The following CHCHD6 variants were observed in gnomAD, a reference collection of about 807,000 sequenced individuals.
The protein encoded by CHCHD6 is coiled-coil-helix-coiled-coil-helix domain containing 6.
A neutral mutation model predicts 32.3 loss-of-function variants in CHCHD6; 28 were observed. The ratio of observed to expected loss-of-function variants is 0.87; its 90% CI spans 0.64 to 1.19. The LOEUF is 1.19. CHCHD6 is among the 50% of genes most tolerant of loss of function. The pLI is 0.00. For synonymous variants in CHCHD6, 122 were observed against 117.5 expected (o/e 1.04, Z -0.25); for missense variants, 333 against 307.0 (o/e 1.08, Z -0.63).
intron 4 of CHCHD6, among the ~76,000 whole-genome samples, chr3:126,742,976 TA>T (rs1936342949): frequency 6.6e-6 from 1 of 151,854 alleles, no homozygotes; most frequent in Non-Finnish European, 1.5e-5. Context: ...GGAGAAGGAC[TA>T]GGGGGAAGAT....
chr3:126,931,294 G>A (rs536030768), intron 6 of CHCHD6, among the ~76,000 whole-genome samples: 8 of 152,188 alleles, frequency 5.3e-5, no homozygotes, highest in Non-Finnish European at 1.0e-4. Context: ...TCCTTTTGTT[G>A]GTTTAGTTGA....
chr3:126,727,083 T>A lies in CHCHD6; in HGVS notation c.93T>A (p.Ser31=), dbSNP rs538198187. Residue 31 remains serine (S), a synonymous_variant, in exon 2 of 8, where the codon TCT becomes TCA. Coordinates refer to ENST00000290913, the MANE Select transcript of CHCHD6 (RefSeq NM_032343.3). The part of the protein sequence containing the change: ...RVRVLQGVRL[S]ENVVNRMKEP... The stretch of plus-strand genomic sequence containing the variant: ...CCTCTTTTCTGCTTCCTTAGCTGTC[T>A]GAAAACGTGGTGAACCGCATGAAGG... 29 of 1,612,734 alleles carry A rather than the reference T, an allele frequency of 1.8e-5. No homozygotes were observed. In the East Asian group the frequency reaches 6.2e-4, roughly 35 times the overall value.
intron 4 of CHCHD6, among the ~76,000 whole-genome samples, chr3:126,792,352 A>G (rs1938592600): frequency 6.6e-6 from 1 of 151,638 alleles, no homozygotes; most frequent in Non-Finnish European, 1.5e-5. Context: ...GAAAACACCA[A>G]ACTGTTTTCT....
At chr3:126,914,566 C>A in intron 5 of CHCHD6, 114 bp from the exon 6 acceptor site, 1 of 729,022 alleles carries the variant, frequency 1.4e-6, no homozygotes, top group South Asian at 1.6e-5. Flanking sequence ...TACCAGTCGG[C>A]TTTGATGCCC....
At chr3:126,844,211 A>G (rs1003499808) in intron 4 of CHCHD6, among the ~76,000 whole-genome samples, 10 of 152,202 alleles carry the variant, frequency 6.6e-5, no homozygotes, top group African/African-American at 2.2e-4. Context: ...GTAGTGTTGT[A>G]TACATGTCAT....
intron 5 of CHCHD6, among the ~76,000 whole-genome samples, chr3:126,866,590 G>A (rs1056843902): frequency 3.9e-5 from 6 of 152,244 alleles, no homozygotes; most frequent in African/African-American, 1.4e-4. Flanking sequence ...GCTAAATTCA[G>A]AGGATGACTT....
At chr3:126,835,032 G>T (rs2107543902) in intron 4 of CHCHD6, among the ~76,000 whole-genome samples, 1 of 152,292 alleles carries the variant, frequency 6.6e-6, no homozygotes, top group Admixed American at 6.5e-5. Flanking sequence ...TGTTTTTCCA[G>T]TTTCTAATAT....
intron 5 of CHCHD6, among the ~76,000 whole-genome samples, chr3:126,908,550 T>TGGG (rs2078038239): frequency 6.6e-6 from 1 of 152,234 alleles, no homozygotes; most frequent in Admixed American, 6.5e-5. Flanking sequence ...CAACTTTACA[T>TGGG]TGAGGGCCTG....
At chr3:126,811,193 C>A (rs1379813893) in intron 4 of CHCHD6, among the ~76,000 whole-genome samples, 1 of 152,110 alleles carries the variant, frequency 6.6e-6, no homozygotes, top group Non-Finnish European at 1.5e-5. Flanking sequence ...TAAATCATTT[C>A]ATTCCCATCA....
chr3:126,898,695 C>T (rs1391749610), intron 5 of CHCHD6, among the ~76,000 whole-genome samples: 3 of 152,086 alleles, frequency 2.0e-5, no homozygotes, highest in African/African-American at 4.8e-5. Context: ...CCCGTCCCCA[C>T]GCCCAGCTAA....
chr3:126,824,560 C>CCAAAAAAAAA (rs1940300538), intron 4 of CHCHD6, among the ~76,000 whole-genome samples: 1 of 40,000 alleles, frequency 2.5e-5, no homozygotes, highest in Non-Finnish European at 3.9e-5. Context: ...GACTCTGTCT[C>CCAAAAAAAAA]AAAAAAAAAA....
At chr3:126,838,921 C>T (rs1029716331) in intron 4 of CHCHD6, among the ~76,000 whole-genome samples, 1 of 144,972 alleles carries the variant, frequency 6.9e-6, no homozygotes. Flanking sequence ...GACAGTCTTG[C>T]TCTGTTGCTC....
chr3:126,939,362 AC>A (rs1190866076), intron 6 of CHCHD6, among the ~76,000 whole-genome samples: 1 of 152,252 alleles, frequency 6.6e-6, no homozygotes, highest in African/African-American at 2.4e-5. Context: ...CTGTTAAGCC[AC>A]AACTTTCTCA....
intron 6 of CHCHD6, among the ~76,000 whole-genome samples, chr3:126,918,149 ATTAC>A (rs1452595523): frequency 6.6e-6 from 1 of 152,232 alleles, no homozygotes; most frequent in Non-Finnish European, 1.5e-5. Context: ...ACAGTTAGAA[ATTAC>A]TTAAACATCT....
chr3:126,799,021 G>T (rs1938935620), intron 4 of CHCHD6, among the ~76,000 whole-genome samples: 1 of 152,150 alleles, frequency 6.6e-6, no homozygotes, highest in African/African-American at 2.4e-5. Flanking sequence ...TGCTGGTGAG[G>T]TGTTCCCTTG....
At chr3:126,799,742 G>A (rs1377716931) in intron 4 of CHCHD6, among the ~76,000 whole-genome samples, 1 of 152,172 alleles carries the variant, frequency 6.6e-6, no homozygotes. Context: ...GGTTAGGTGA[G>A]AAAGTCTAAC....
intron 4 of CHCHD6, among the ~76,000 whole-genome samples, chr3:126,809,037 T>C (rs1939542083): frequency 6.6e-6 from 1 of 152,058 alleles, no homozygotes; most frequent in African/African-American, 2.4e-5. Flanking sequence ...AGTGGCGTGA[T>C]CTCAGCTCAC....
chr3:126,807,195 TA>T (rs199560782), intron 4 of CHCHD6, among the ~76,000 whole-genome samples: 4,787 of 138,404 alleles, frequency 0.035, 155 homozygotes, highest in East Asian at 0.15. Flanking sequence ...ACTTAAAGTA[TA>T]AAAAAAAAAA....
chr3:126,839,465 G>A (rs1368214680), intron 4 of CHCHD6, among the ~76,000 whole-genome samples: 2 of 152,202 alleles, frequency 1.3e-5, no homozygotes, highest in African/African-American at 4.8e-5. Context: ...GTATGTAGCT[G>A]TGTGTAGATG....
Sources: allele counts gnomAD v4.1 joint callset (sites outside exome capture counted in the v4.1 genomes callset), GRCh38; gene constraint gnomAD v4.1.1; transcripts MANE v1.5; gene names NCBI Gene and HGNC (gene_info 2026-07-23, HGNC 2026-07-21).